ADAMTSL1: variants seen among roughly 807,000 people sequenced by gnomAD.
The protein encoded by ADAMTSL1 is ADAMTS like 1, also known as ADAMTS-like protein 1.
ADAMTSL1 carries 126 observed loss-of-function variants against 201.8 expected under a neutral mutation model. The ratio of observed to expected loss-of-function variants is 0.62; its 90% CI spans 0.54 to 0.72. The LOEUF (loss-of-function observed/expected upper bound fraction) is 0.72, where lower values mean the gene tolerates loss of function less well. Ranked by LOEUF, ADAMTSL1 falls within the 30% of genes least tolerant of loss-of-function variation. The pLI is 0.00. For synonymous variants in ADAMTSL1, 1,121 were observed against 903.4 expected, an observed-to-expected ratio of 1.24 and a Z score of -4.32; for missense variants, 2,679 against 2,277.8, an observed-to-expected ratio of 1.18 and a Z score of -3.59.
At chr9:18,149,218 T>C (rs189356536) in intron 1 of ADAMTSL1, among the ~76,000 whole-genome samples, 3 of 151,648 alleles carry the variant, frequency 2.0e-5, no homozygotes, top group African/African-American at 4.8e-5. Flanking sequence ...ACCGAGATAA[T>C]GTTGAGTAAA....
chr9:18,860,796 A>T (rs1011188228), intron 23 of ADAMTSL1, among the ~76,000 whole-genome samples: 1 of 151,912 alleles, frequency 6.6e-6, no homozygotes, highest in Admixed American at 6.6e-5. Flanking sequence ...CTAAGAGCAA[A>T]CTCTAATGAA....
chr9:18,039,041 T>C (rs1821326248), intron 1 of ADAMTSL1, among the ~76,000 whole-genome samples: 1 of 152,108 alleles, frequency 6.6e-6, no homozygotes, highest in Non-Finnish European at 1.5e-5. Flanking sequence ...CAGATATATA[T>C]GAAACGAAAA....
At chr9:18,291,460 C>T (rs771293907) in intron 2 of ADAMTSL1, among the ~76,000 whole-genome samples, 15 of 152,096 alleles carry the variant, frequency 9.9e-5, no homozygotes, top group Admixed American at 2.6e-4. Context: ...GAAGATATAG[C>T]AGCAAATGTG....
intron 15 of ADAMTSL1, among the ~76,000 whole-genome samples, chr9:18,728,300 G>C (rs1336650435): frequency 6.6e-6 from 1 of 152,098 alleles, no homozygotes; most frequent in Non-Finnish European, 1.5e-5. Flanking sequence ...CATCCTGAGA[G>C]GGAAGCTTTT....
intron 1 of ADAMTSL1, among the ~76,000 whole-genome samples, chr9:18,136,916 G>A (rs141097123): frequency 6.6e-6 from 1 of 152,260 alleles, no homozygotes; most frequent in East Asian, 1.9e-4. Flanking sequence ...AAAATTGTAA[G>A]GAGGGTCAAC....
chr9:18,035,001 T>C (rs1161963811), intron 1 of ADAMTSL1, among the ~76,000 whole-genome samples: 2 of 152,214 alleles, frequency 1.3e-5, no homozygotes, highest in African/African-American at 4.8e-5. Flanking sequence ...TTCTCTGTTA[T>C]GATTGTCTCA....
chr9:17,922,732 T>G (rs1588420832), intron 1 of ADAMTSL1, among the ~76,000 whole-genome samples: 1 of 152,110 alleles, frequency 6.6e-6, no homozygotes, highest in South Asian at 2.1e-4. Flanking sequence ...CTCAGTGATT[T>G]TTTTCCCATC....
intron 1 of ADAMTSL1, among the ~76,000 whole-genome samples, chr9:18,038,585 G>T (rs903460544): frequency 1.3e-5 from 2 of 152,146 alleles, no homozygotes; most frequent in African/African-American, 4.8e-5. Flanking sequence ...GGATTTCAAA[G>T]GGTGATACAG....
chr9:18,494,770 A>T (rs1473122930), intron 1 of ADAMTSL1, among the ~76,000 whole-genome samples: 1 of 152,234 alleles, frequency 6.6e-6, no homozygotes, highest in Non-Finnish European at 1.5e-5. Flanking sequence ...CAGAAGTGTG[A>T]TATAACACAC....
At chr9:17,980,034 T>A (rs753526839) in intron 1 of ADAMTSL1, among the ~76,000 whole-genome samples, 1 of 152,102 alleles carries the variant, frequency 6.6e-6, no homozygotes. Context: ...CTGGTAAAGT[T>A]TTGTGCTAAC....
intron 7 of ADAMTSL1, among the ~76,000 whole-genome samples, chr9:18,640,274 C>A (rs555026706): frequency 6.6e-6 from 1 of 152,134 alleles, no homozygotes; most frequent in East Asian, 1.9e-4. Context: ...GCCACATGAA[C>A]GTGAGCAAGA....
chr9:18,182,182 A>C (rs943134887), intron 2 of ADAMTSL1, among the ~76,000 whole-genome samples: 1 of 151,678 alleles, frequency 6.6e-6, no homozygotes, highest in Non-Finnish European at 1.5e-5. Context: ...AGATATACGT[A>C]ATGCTAGATG....
intron 1 of ADAMTSL1, among the ~76,000 whole-genome samples, chr9:18,141,707 G>T: frequency 6.6e-6 from 1 of 152,222 alleles, no homozygotes; most frequent in South Asian, 2.1e-4. Flanking sequence ...GGGATTAATG[G>T]TATATTCCTC....
chr9:18,178,700 C>G (rs1372610319), intron 2 of ADAMTSL1, among the ~76,000 whole-genome samples: 1 of 151,752 alleles, frequency 6.6e-6, no homozygotes, highest in South Asian at 2.1e-4. Context: ...AGACTGCCTC[C>G]TCAAGTGGGT....
At chr9:18,774,752 T>C (rs939078297) in intron 17 of ADAMTSL1, among the ~76,000 whole-genome samples, 2 of 152,194 alleles carry the variant, frequency 1.3e-5, no homozygotes, top group African/African-American at 4.8e-5. Context: ...TTCCACTGTA[T>C]AGATATGGCA....
At chr9:18,223,320 A>G (rs1325039755) in intron 2 of ADAMTSL1, among the ~76,000 whole-genome samples, 7 of 152,134 alleles carry the variant, frequency 4.6e-5, no homozygotes, top group African/African-American at 1.7e-4. Context: ...CAATTATTCT[A>G]AAATCTGAAA....
chr9:18,674,902 A>G (rs1216005464), intron 9 of ADAMTSL1, among the ~76,000 whole-genome samples: 3 of 152,172 alleles, frequency 2.0e-5, no homozygotes, highest in African/African-American at 4.8e-5. Context: ...AAACCCATGA[A>G]TCATTAGTCC....
At chr9:18,220,716 C>G (rs1220199809) in intron 2 of ADAMTSL1, among the ~76,000 whole-genome samples, 1 of 151,952 alleles carries the variant, frequency 6.6e-6, no homozygotes, top group Non-Finnish European at 1.5e-5. Flanking sequence ...TCCTCATCCT[C>G]TTTTTCTTGC....
At chr9:18,656,359 C>T (rs879771828) in intron 7 of ADAMTSL1, among the ~76,000 whole-genome samples, 7 of 152,070 alleles carry the variant, frequency 4.6e-5, no homozygotes, top group Non-Finnish European at 8.8e-5. Context: ...TGGCCAGGCA[C>T]GGTGGCTCAC....
Sources: allele counts gnomAD v4.1 joint callset (sites outside exome capture counted in the v4.1 genomes callset), GRCh38; gene constraint gnomAD v4.1.1; transcripts MANE v1.5; gene names NCBI Gene and HGNC (gene_info 2026-07-23, HGNC 2026-07-21).